The following DNER variants were observed in gnomAD, a reference collection of about 807,000 sequenced individuals.
DNER encodes delta/notch like EGF repeat containing, also known as delta and Notch-like epidermal growth factor-related receptor.
In DNER, 33 loss-of-function variants were observed where a neutral mutation model predicts 78.2. The observed-to-expected ratio is 0.42, with a 90% confidence interval of 0.32 to 0.56. The LOEUF (loss-of-function observed/expected upper bound fraction) is 0.56. Among genes scored for constraint, DNER ranks in the 20% least tolerant of loss-of-function variants. The probability of loss-of-function intolerance (pLI) is 0.11; values close to 1 mark genes in which losing one functional copy is unlikely to be tolerated. For missense variants in DNER, 918 were observed against 975.3 expected (o/e 0.94, Z 0.78); for synonymous variants, 417 against 384.8 (o/e 1.08, Z -0.98).
At chr2:229,510,915 G>A (rs1009078070) in intron 6 of DNER, among the ~76,000 whole-genome samples, 1 of 152,138 alleles carries the variant, frequency 6.6e-6, no homozygotes, top group Admixed American at 6.5e-5. Flanking sequence ...AGAACAATAT[G>A]TATCATATCA....
chr2:229,456,541 A>G (rs1340158797), intron 7 of DNER, among the ~76,000 whole-genome samples: 1 of 151,880 alleles, frequency 6.6e-6, no homozygotes, highest in Non-Finnish European at 1.5e-5. Flanking sequence ...TCCACTTCCC[A>G]TGGTCTTACA....
chr2:229,684,165 AGAGAGT>A (rs1443414200), intron 1 of DNER, among the ~76,000 whole-genome samples: 2,220 of 116,678 alleles, frequency 0.019, 13 homozygotes, highest in Middle Eastern at 0.057. Context: ...AGAGAGAGAG[AGAGAGT>A]GTGTGTGTGT....
intron 5 of DNER, among the ~76,000 whole-genome samples, chr2:229,513,327 A>T (rs1574878811): frequency 6.6e-6 from 1 of 152,230 alleles, no homozygotes; most frequent in African/African-American, 2.4e-5. Context: ...TTCAACAGAG[A>T]TAGCACTTGC....
intron 6 of DNER, among the ~76,000 whole-genome samples, chr2:229,492,619 A>G (rs73103762): frequency 0.025 from 3,732 of 152,214 alleles, 161 homozygotes; most frequent in African/African-American, 0.086. Context: ...CTTCACACAG[A>G]GGTGAGTTCT....
chr2:229,487,999 G>T (rs2154211624), intron 6 of DNER, among the ~76,000 whole-genome samples: 1 of 152,326 alleles, frequency 6.6e-6, no homozygotes, highest in South Asian at 2.1e-4. Flanking sequence ...CAGAGTAGAG[G>T]CATGGTAACG....
intron 11 of DNER, among the ~76,000 whole-genome samples, chr2:229,374,242 G>C (rs1027535569): frequency 2.1e-5 from 3 of 145,726 alleles, no homozygotes; most frequent in Non-Finnish European, 3.0e-5. Context: ...GACTACTAGG[G>C]AGTAAGGAAA....
At chr2:229,517,711 T>C (rs1386866337) in intron 5 of DNER, among the ~76,000 whole-genome samples, 2 of 152,164 alleles carry the variant, frequency 1.3e-5, no homozygotes, top group Non-Finnish European at 2.9e-5. Context: ...CAGAAGACAT[T>C]TGGCAATGTC....
intron 1 of DNER, among the ~76,000 whole-genome samples, chr2:229,694,189 A>C (rs889039396): frequency 9.8e-5 from 15 of 152,334 alleles, no homozygotes; most frequent in Middle Eastern, 3.4e-3. Flanking sequence ...TCAAGAACTG[A>C]GGTTTGGGAA....
At chr2:229,489,502 G>A (rs184264658) in intron 6 of DNER, among the ~76,000 whole-genome samples, 38 of 151,712 alleles carry the variant, frequency 2.5e-4, no homozygotes, top group Admixed American at 2.5e-3. Flanking sequence ...GGTGTGGGGG[G>A]CGCGGACAGA....
intron 1 of DNER, among the ~76,000 whole-genome samples, chr2:229,684,025 C>A (rs1325622822): frequency 1.3e-5 from 2 of 152,072 alleles, no homozygotes; most frequent in Non-Finnish European, 2.9e-5. Flanking sequence ...GATACTGAAA[C>A]CCTTTCAACA....
At chr2:229,541,841 T>C (rs972361039) in intron 5 of DNER, among the ~76,000 whole-genome samples, 1 of 147,656 alleles carries the variant, frequency 6.8e-6, no homozygotes, top group African/African-American at 2.5e-5. Flanking sequence ...AAACAAATCA[T>C]ATATATATAT....
At chr2:229,710,877 T>C (rs1019701268) in intron 1 of DNER, among the ~76,000 whole-genome samples, 1 of 152,020 alleles carries the variant, frequency 6.6e-6, no homozygotes, top group African/African-American at 2.4e-5. Context: ...ACTTAATTAA[T>C]TTAATCCTTC....
Position 229,591,908 on chromosome 2 carries a change from G to C in DNER, c.277-20C>G. The stretch of plus-strand genomic sequence containing the variant: ...AACAAGCTGAAACGAGACCATAAAT[G>C]GGTCAATTATTCCCTCATAAGAAAA... On this transcript the variant is annotated intron_variant, in intron 1 of 12. Coordinates refer to ENST00000341772, the MANE Select transcript of DNER (RefSeq NM_139072.4). The surrounding 1 kb of genome is among the most constrained non-coding windows in gnomAD (Gnocchi z 4.6). The C allele has an allele frequency of 1.3e-6, 2 of 1,498,652 alleles. No individual in the cohort carries two copies. Among genetic ancestry groups the C allele is most frequent in the Non-Finnish European group, 1.8e-6 (2 of 1,126,660 alleles). 92.8% of individuals were successfully genotyped at this position (1,498,652 alleles called of 1,614,324 possible).
intron 7 of DNER, among the ~76,000 whole-genome samples, chr2:229,462,407 A>G (rs1447656290): frequency 1.3e-5 from 2 of 152,104 alleles, no homozygotes; most frequent in East Asian, 1.9e-4. Context: ...TCAACTCAGC[A>G]TTCCATTGCC....
At chr2:229,583,303 T>C (rs1390482209) in intron 4 of DNER, among the ~76,000 whole-genome samples, 2 of 152,218 alleles carry the variant, frequency 1.3e-5, no homozygotes, top group Non-Finnish European at 2.9e-5. Flanking sequence ...GCAAACCTCA[T>C]AGCTTAGCCT....
intron 6 of DNER, among the ~76,000 whole-genome samples, chr2:229,499,375 G>T (rs1433663970): frequency 6.7e-6 from 1 of 149,158 alleles, no homozygotes; most frequent in Non-Finnish European, 1.5e-5. Flanking sequence ...AACCCAGGAA[G>T]CAGAGGTCAC....
chr2:229,609,455 T>G (rs1698004062), intron 1 of DNER, among the ~76,000 whole-genome samples: 1 of 152,154 alleles, frequency 6.6e-6, no homozygotes, highest in Non-Finnish European at 1.5e-5. Context: ...AGATTCAAGT[T>G]TCAGTGCCCA....
intron 1 of DNER, among the ~76,000 whole-genome samples, chr2:229,667,307 A>C (rs1420080304): frequency 6.6e-6 from 1 of 152,184 alleles, no homozygotes; most frequent in Non-Finnish European, 1.5e-5. Context: ...CTATCTAGAC[A>C]ACAAAATGCA....
At chr2:229,363,619 G>A (rs1221765364) in intron 12 of DNER, among the ~76,000 whole-genome samples, 4 of 152,210 alleles carry the variant, frequency 2.6e-5, no homozygotes, top group South Asian at 2.1e-4. Context: ...TTGCCCGTTA[G>A]GAATTCCGCA....
Sources: allele counts gnomAD v4.1 joint callset (sites outside exome capture counted in the v4.1 genomes callset), GRCh38; gene constraint gnomAD v4.1.1; non-coding constraint Gnocchi (gnomAD v3.1); transcripts MANE v1.5; gene names NCBI Gene and HGNC (gene_info 2026-07-23, HGNC 2026-07-21).